Variants in WASL observed in about 807,000 individuals in gnomAD.
The protein encoded by WASL is WASP like actin nucleation promoting factor.
Under a neutral mutation model 55.5 loss-of-function variants are expected in WASL, and 20 were observed. The ratio of observed to expected loss-of-function variants is 0.36; its 90% CI spans 0.25 to 0.52. WASL has a LOEUF of 0.52. Among genes scored for constraint, WASL ranks in the 20% least tolerant of loss-of-function variants. The probability of loss-of-function intolerance (pLI) is 0.92; values close to 1 mark genes in which losing one functional copy is unlikely to be tolerated. For missense variants in WASL, 504 were observed against 622.5 expected (o/e 0.81, Z 2.03); for synonymous variants, 249 against 217.6 (o/e 1.14, Z -1.27).
At chr7:123,731,728 T>C (rs769017122) in intron 1 of WASL, among the ~76,000 whole-genome samples, 1 of 152,106 alleles carries the variant, frequency 6.6e-6, no homozygotes, top group African/African-American at 2.4e-5. Context: ...AATTTTAAAA[T>C]ATTCTAAACT....
At chr7:123,709,814 AGT>A (rs1298597411) in intron 1 of WASL, among the ~76,000 whole-genome samples, 1 of 152,200 alleles carries the variant, frequency 6.6e-6, no homozygotes, top group Admixed American at 6.5e-5. Flanking sequence ...GGCAGATTAT[AGT>A]ATCTCCTTTC....
At chr7:123,699,940 G>A (rs562286460) in intron 5 of WASL, among the ~76,000 whole-genome samples, 71 of 152,160 alleles carry the variant, frequency 4.7e-4, no homozygotes, top group African/African-American at 1.7e-3. Context: ...ACTTTGGGAG[G>A]CCGAGACGGG....
intron 1 of WASL, among the ~76,000 whole-genome samples, chr7:123,735,516 A>G (rs1433762479): frequency 6.6e-6 from 1 of 152,146 alleles, no homozygotes; most frequent in Non-Finnish European, 1.5e-5. Context: ...GCTAGCAGAC[A>G]GGACATTAGA....
At chr7:123,725,672 T>C (rs934108504) in intron 1 of WASL, among the ~76,000 whole-genome samples, 1 of 152,160 alleles carries the variant, frequency 6.6e-6, no homozygotes, top group East Asian at 1.9e-4. Flanking sequence ...ACTAAGTTCA[T>C]ACATGAGGAA....
At chr7:123,698,210 G>A (rs1803522418) in intron 5 of WASL, among the ~76,000 whole-genome samples, 1 of 151,896 alleles carries the variant, frequency 6.6e-6, no homozygotes, top group African/African-American at 2.4e-5. Flanking sequence ...GGATGGTCTT[G>A]GGGATCCCCA....
At chr7:123,733,504 A>T (rs751233326) in intron 1 of WASL, among the ~76,000 whole-genome samples, 1 of 152,142 alleles carries the variant, frequency 6.6e-6, no homozygotes, top group Admixed American at 6.5e-5. Context: ...CCTAAACAAG[A>T]GGTATTTCAG....
At chr7:123,688,923 G>A in intron 10 of WASL, 119 bp downstream of exon 10, 5 of 921,456 alleles carry the variant, frequency 5.4e-6, no homozygotes, top group Non-Finnish European at 8.5e-6. Flanking sequence ...TCAATTAGCA[G>A]AGAGAAAGCT....
chr7:123,697,754 T>C (rs956137151), intron 5 of WASL, among the ~76,000 whole-genome samples: 1 of 152,210 alleles, frequency 6.6e-6, no homozygotes, highest in African/African-American at 2.4e-5. Context: ...AGTTGACCAC[T>C]TGGGAAGTTG....
At chr7:123,690,787 TGAAAAGGAAATA>T (rs1459679602) in intron 9 of WASL, among the ~76,000 whole-genome samples, 3 of 152,044 alleles carry the variant, frequency 2.0e-5, no homozygotes, top group African/African-American at 4.8e-5. Context: ...AGTTGGTTTG[TGAAAAGGAAATA>T]GAAAAGGAAA....
intron 9 of WASL, among the ~76,000 whole-genome samples, chr7:123,690,595 T>TG (rs1410330088): frequency 2.1e-5 from 1 of 46,684 alleles, no homozygotes; most frequent in African/African-American, 6.6e-5. Context: ...ACACATCAAT[T>TG]AACAGGTTTT....
intron 1 of WASL, 35 bp downstream of exon 1, chr7:123,748,583 T>G: frequency 6.2e-7 from 1 of 1,602,076 alleles, no homozygotes; most frequent in Non-Finnish European, 8.5e-7. Flanking sequence ...CGTGAGGTAA[T>G]GTCACGGGTG....
chr7:123,706,591 C>T (rs1400967323), intron 3 of WASL, 149 bp downstream of exon 3: 16 of 746,382 alleles, frequency 2.1e-5, no homozygotes, highest in Non-Finnish European at 2.6e-5. Flanking sequence ...ACAGCAGACA[C>T]ATATACTAAT....
At position 123,734,845 on chromosome 7, in the gene WASL, ATT is replaced by A. The variant is rs562388016; in HGVS notation, c.117+13771_117+13772del. Among the ~76,000 whole-genome samples the A allele has an allele frequency of 2.0e-5, 3 of 152,270 alleles. No individual in the cohort carries two copies. The South Asian group carries it at 6.2e-4, about 32-fold the overall frequency. On this transcript the variant is annotated intron_variant, in intron 1 of 10. Coordinates refer to ENST00000223023, the MANE Select transcript of WASL (RefSeq NM_003941.4). ...AATACTGGATCATCAATTGTAACAA[ATT>A]TACCTAATACAAAATATTATTAATA...
intron 5 of WASL, among the ~76,000 whole-genome samples, chr7:123,698,324 A>G (rs186525812): frequency 1.0e-3 from 156 of 151,990 alleles, no homozygotes; most frequent in Non-Finnish European, 2.0e-3. Flanking sequence ...CCAAACTGCC[A>G]AAGTATCCTA....
intron 1 of WASL, among the ~76,000 whole-genome samples, chr7:123,734,977 A>G (rs919601964): frequency 9.2e-5 from 14 of 152,184 alleles, no homozygotes; most frequent in African/African-American, 3.4e-4. Context: ...ATAAGATTTC[A>G]TTTTTTAAAA....
In WASL at chr7:123,696,128, A is replaced by G. The variant is rs560159222; in HGVS notation, c.630-263T>C. Among the ~76,000 whole-genome samples the G allele has an allele frequency of 2.0e-5, 3 of 152,196 alleles. No individual in the cohort carries two copies. In the East Asian group the frequency reaches 5.8e-4, roughly 29 times the overall value. ...CTATTTCCTTAATTGTCAAATTAGC[A>G]TAAGAGTCCAAGCATTATATATATG... On this transcript the variant is annotated intron_variant, in intron 6 of 10. Coordinates refer to ENST00000223023, the MANE Select transcript of WASL (RefSeq NM_003941.4).
At position 123,684,197 on chromosome 7, in the gene WASL, T is replaced by C. The variant is rs768212876; in HGVS notation, c.*322A>G. 9.7e-5 allele frequency: 15 copies of C among 155,114 alleles called. No homozygotes were observed. The highest frequency in any genetic ancestry group is 1.6e-4 in the Non-Finnish European group (11 of 70,144). 9.6% of individuals were successfully genotyped at this position (155,114 alleles called of 1,614,324 possible). A position where few individuals can be genotyped will look rare whatever the true frequency, so the allele number is the denominator to read the frequency against. On this transcript the variant is annotated 3_prime_UTR_variant, in exon 11 of 11. Transcript: ENST00000223023. ...AAATAGTGTTTTCCTTCTGGCATTA[T>C]AAGTAAATTACATTAAGGTTTTTGT...
intron 1 of WASL, among the ~76,000 whole-genome samples, chr7:123,735,037 T>C (rs1049514136): frequency 6.9e-6 from 1 of 144,690 alleles, no homozygotes; most frequent in Non-Finnish European, 1.5e-5. Flanking sequence ...CAAATATAAA[T>C]ATAAACAAAC....
intron 1 of WASL, among the ~76,000 whole-genome samples, chr7:123,712,567 G>C (rs1269543250): frequency 6.6e-6 from 1 of 152,114 alleles, no homozygotes; most frequent in Non-Finnish European, 1.5e-5. Context: ...TGGCAAATCT[G>C]GATGAAGGAT....
Sources: gnomAD v4.1 joint callset for allele counts (sites outside exome capture counted in the v4.1 genomes callset) on GRCh38, gnomAD v4.1.1 for gene constraint, MANE v1.5 for transcripts, NCBI Gene and HGNC (gene_info 2026-07-23, HGNC 2026-07-21) for gene names.